The following SHANK2 variants were observed in gnomAD, a reference collection of about 807,000 sequenced individuals.
SHANK2 encodes the protein SH3 and multiple ankyrin repeat domains 2.
A neutral mutation model predicts 133.7 loss-of-function variants in SHANK2; 43 were observed. The ratio of observed to expected loss-of-function variants is 0.32; its 90% CI spans 0.25 to 0.41. The LOEUF (loss-of-function observed/expected upper bound fraction) is 0.41. Ranked by LOEUF, SHANK2 falls within the 10% of genes least tolerant of loss-of-function variation. SHANK2 has a pLI of 1.00. For synonymous variants in SHANK2, 1,017 were observed against 952.8 expected (o/e 1.07, Z -1.24); for missense variants, 1,994 against 2,235.8 (o/e 0.89, Z 2.18).
rs190580175 is a variant in SHANK2, at chr11:70,521,256, A to G, written c.2062-18325T>C. On this transcript the variant is annotated intron_variant, in intron 17 of 25. Coordinates refer to ENST00000601538, the MANE Select transcript of SHANK2 (RefSeq NM_012309.5). ...TTGCTCTATCATTTATTAATCATCT[A>G]TCCATCTATCATTACTTTCAGACTA... is the stretch of plus-strand genomic sequence containing the variant. Among the ~76,000 whole-genome samples the G allele has an allele frequency of 1.6e-3, 251 of 152,302 alleles. 1 individual carries two copies. The highest frequency in any genetic ancestry group is 5.4e-3 in the African/African-American group (223 of 41,558).
Position 71,163,093 on chromosome 11 carries a change from A to AAACATATATATATATATATAT in SHANK2, c.-12-15756_-12-15755insATATATATATATATATATGTT. Among the ~76,000 whole-genome samples the AAACATATATATATATATATAT allele has an allele frequency of 5.2e-3, 440 of 84,576 alleles. 27 individuals carry two copies. Among genetic ancestry groups the AAACATATATATATATATATAT allele is most frequent in the Middle Eastern group, 0.024 (4 of 168 alleles). 55.5% of individuals were successfully genotyped at this position (84,576 alleles called of 152,430 possible). ...GTCTAAAAAAAAAAAAAAAAAAAAA[A>AAACATATATATATATATATAT]ATACATATATATATATATACAGAAT... On this transcript the variant is annotated intron_variant, in intron 2 of 25. Coordinates refer to ENST00000601538, the MANE Select transcript of SHANK2 (RefSeq NM_012309.5).
intron 14 of SHANK2, among the ~76,000 whole-genome samples, chr11:70,756,041 G>A (rs971074427): frequency 3.3e-5 from 5 of 152,106 alleles, no homozygotes; most frequent in African/African-American, 1.2e-4. Context: ...CTGTGATCTT[G>A]CGGAGATGGC....
chr11:70,575,649 T>G (rs568459875), intron 17 of SHANK2, among the ~76,000 whole-genome samples: 1 of 150,614 alleles, frequency 6.6e-6, no homozygotes, highest in African/African-American at 2.4e-5. Flanking sequence ...TGTTTCCACA[T>G]GTGTTTTGCA....
rs189593670 is a variant in SHANK2 at position 70,948,875 on chromosome 11, A to T, written c.1108-52308T>A. Among the ~76,000 whole-genome samples, 898 of 152,284 alleles carry T rather than the reference A, an allele frequency of 5.9e-3. 6 individuals carry two copies. Among genetic ancestry groups the T allele is most frequent in the African/African-American group, 0.019 (780 of 41,556 alleles). Reference sequence around the variant, plus strand: ...ACCAGCAACACATTCAATTTTTTTTAAATTAAAAAAATTAAATTTTAACAT... The same window carrying T: ...ACCAGCAACACATTCAATTTTTTTTTAATTAAAAAAATTAAATTTTAACAT... On this transcript the variant is annotated intron_variant, in intron 10 of 25. Coordinates refer to ENST00000601538, the MANE Select transcript of SHANK2 (RefSeq NM_012309.5).
At chr11:71,195,443 T>TGCAG (rs2135597811) in intron 2 of SHANK2, among the ~76,000 whole-genome samples, 1 of 151,716 alleles carries the variant, frequency 6.6e-6, no homozygotes, top group East Asian at 1.9e-4. Flanking sequence ...AGCCAAAATA[T>TGCAG]GCAGGTGAAT....
chr11:70,637,489 G>A (rs2061119589), intron 17 of SHANK2, among the ~76,000 whole-genome samples: 1 of 152,122 alleles, frequency 6.6e-6, no homozygotes, highest in African/African-American at 2.4e-5. Flanking sequence ...GCAGAATCCA[G>A]GTGCCCACAG....
chr11:70,505,755 G>A (rs1271428098), intron 17 of SHANK2, among the ~76,000 whole-genome samples: 3 of 152,234 alleles, frequency 2.0e-5, no homozygotes, highest in African/African-American at 7.2e-5. Context: ...TCAAGTTGCG[G>A]CCTCCTGAGG....
At chr11:70,932,016 C>A (rs1330066498) in intron 10 of SHANK2, among the ~76,000 whole-genome samples, 1 of 152,100 alleles carries the variant, frequency 6.6e-6, no homozygotes, top group Non-Finnish European at 1.5e-5. Context: ...TTCCATAAGC[C>A]CACTCTAAAC....
At chr11:70,571,227 T>C (rs1432636117) in intron 17 of SHANK2, 2 of 152,296 alleles carry the variant, frequency 1.3e-5, no homozygotes, top group African/African-American at 2.4e-5. Flanking sequence ...CTGCAGAAGA[T>C]GGCATTTAAT....
chr11:70,730,844 T>G (rs56020516), intron 14 of SHANK2, among the ~76,000 whole-genome samples: 5 of 115,200 alleles, frequency 4.3e-5, no homozygotes, highest in Admixed American at 1.7e-4. Flanking sequence ...TTTTTTTTTT[T>G]GTAATTTAGG....
intron 6 of SHANK2, among the ~76,000 whole-genome samples, chr11:71,100,115 C>A (rs1236959537): frequency 6.6e-6 from 1 of 151,564 alleles, no homozygotes; most frequent in Admixed American, 6.6e-5. Flanking sequence ...ACTGACAACA[C>A]CAAATGCTGG....
chr11:71,160,834 T>C (rs551925634), intron 2 of SHANK2, among the ~76,000 whole-genome samples: 140 of 152,302 alleles, frequency 9.2e-4, no homozygotes, highest in African/African-American at 3.3e-3. Flanking sequence ...GCTCCAGCAA[T>C]GACACCTTAA....
At chr11:71,138,951 G>A (rs1302136813) in intron 3 of SHANK2, among the ~76,000 whole-genome samples, 2 of 152,160 alleles carry the variant, frequency 1.3e-5, no homozygotes, top group Admixed American at 1.3e-4. Context: ...TCCCAGCATG[G>A]CAAAGGTAGT....
At chr11:71,074,348 G>A (rs1025058159) in intron 9 of SHANK2, among the ~76,000 whole-genome samples, 4,766 of 152,246 alleles carry the variant, frequency 0.031, 246 homozygotes, top group African/African-American at 0.1. Context: ...CTGATGGGCA[G>A]GCACACCCAG....
At chr11:70,826,909 G>T (rs75340474) in intron 11 of SHANK2, among the ~76,000 whole-genome samples, 300 of 152,400 alleles carry the variant, frequency 2.0e-3, no homozygotes, top group African/African-American at 6.7e-3. Flanking sequence ...TCGAGCCCCA[G>T]TTATCCAAGG....
intron 1 of SHANK2, among the ~76,000 whole-genome samples, chr11:71,245,276 G>A (rs1039499324): frequency 2.0e-5 from 3 of 151,948 alleles, no homozygotes; most frequent in African/African-American, 4.8e-5. Context: ...CACCTCGACC[G>A]GCCTCACCAA....
At chr11:70,523,148 G>A (rs1472211114) in intron 17 of SHANK2, among the ~76,000 whole-genome samples, 3 of 152,290 alleles carry the variant, frequency 2.0e-5, no homozygotes, top group Non-Finnish European at 4.4e-5. Context: ...GGCACAGCAG[G>A]GTGTGCTTCT....
At chr11:70,605,342 C>T (rs2060561480) in intron 17 of SHANK2, among the ~76,000 whole-genome samples, 1 of 152,242 alleles carries the variant, frequency 6.6e-6, no homozygotes, top group Admixed American at 6.5e-5. Context: ...TGGCCACGCC[C>T]AGAAGGCAGC....
At chr11:70,858,825 G>T (rs1349332598) in intron 11 of SHANK2, among the ~76,000 whole-genome samples, 1 of 152,224 alleles carries the variant, frequency 6.6e-6, no homozygotes, top group Non-Finnish European at 1.5e-5. Context: ...CCTGGCATCT[G>T]GGAGAACCCA....
Sources: gnomAD v4.1 joint callset for allele counts (sites outside exome capture counted in the v4.1 genomes callset) on GRCh38, gnomAD v4.1.1 for gene constraint, MANE v1.5 for transcripts, NCBI Gene and HGNC (gene_info 2026-07-23, HGNC 2026-07-21) for gene names.